CD163: variants seen among roughly 807,000 people sequenced by gnomAD.
CD163 encodes CD163 molecule.
A neutral mutation model predicts 129.2 loss-of-function variants in CD163; 64 were observed. That is an observed-to-expected ratio of 0.50 (90% CI 0.41 to 0.61). The LOEUF (loss-of-function observed/expected upper bound fraction) is 0.61. Among genes scored for constraint, CD163 ranks in the 20% least tolerant of loss-of-function variants. CD163 has a pLI of 0.00. For missense variants in CD163, 1,061 were observed against 1,377.9 expected (o/e 0.77, Z 3.64); for synonymous variants, 446 against 478.5 (o/e 0.93, Z 0.89).
intron 4 of CD163, among the ~76,000 whole-genome samples, chr12:7,497,425 T>C (rs748260994): frequency 1.3e-5 from 2 of 152,296 alleles, no homozygotes; most frequent in African/African-American, 4.8e-5. Context: ...ACAGAGTTCT[T>C]GTTAGAACTG....
rs1057407895 is a variant in CD163, at chr12:7,498,946, C to T, written c.700G>A (p.Ala234Thr). 1 of 1,613,998 alleles carries T rather than the reference C, an allele frequency of 6.2e-7. No individual in the cohort carries two copies. The highest frequency in any genetic ancestry group is 8.5e-7 in the Non-Finnish European group (1 of 1,180,012). Residue 234 changes from alanine (A) to threonine (T), a missense_variant, in exon 4 of 17, where the codon GCT becomes ACT. Coordinates refer to ENST00000432237, the MANE Select transcript of CD163 (RefSeq NM_203416.4). ...CCTTGATGTTTGCAGTTCCAGAGAGCTGACTCATTTCCGTTGCATATAAGA... is the reference window on the plus strand; with the variant it reads ...CCTTGATGTTTGCAGTTCCAGAGAGTTGACTCATTTCCGTTGCATATAAGA... ...DDLICNGNES[A>T]LWNCKHQGWG...
In CD163 at chr12:7,477,517, A is replaced by G. The variant is rs770525832; in HGVS notation, c.*31+2343T>C. Reference sequence around the variant, plus strand: ...AACCAAACACCGCATGTTCTCACTCATAAGTTGGAGTTGAACAATGAGAAC... The same window carrying G: ...AACCAAACACCGCATGTTCTCACTCGTAAGTTGGAGTTGAACAATGAGAAC... On this transcript the variant is annotated intron_variant, in intron 16 of 16. Coordinates refer to ENST00000432237, the MANE Select transcript of CD163 (RefSeq NM_203416.4). 2.6e-5 allele frequency among the ~76,000 whole-genome samples: 4 copies of G among 152,308 alleles called. No homozygotes were observed. In the South Asian group the frequency reaches 8.3e-4, roughly 32 times the overall value.
Position 7,502,504 on chromosome 12 carries a change from C to G in CD163, c.107G>C (p.Ser36Thr). Residue 36 changes from serine to threonine, a missense_variant, in exon 2 of 17, where the codon AGT becomes ACT. By Grantham distance (58) the Ser-to-Thr change is moderately conservative (BLOSUM62 1). Transcript: ENST00000432237. ...PFTITVVLLL[S>T]ACFVTSSLGG... ...AAGAGAACTGGTGACAAAACAGGCA[C>G]TGAGAAGTAAGACCACAGTAATGGT... The G allele has an allele frequency of 6.2e-7, 1 of 1,604,514 alleles. No homozygotes were observed. The highest frequency in any genetic ancestry group is 1.7e-4 in the Middle Eastern group (1 of 6,028).
chr12:7,483,825 G>GTGTATATATATATATA (rs1555076524), intron 11 of CD163, 150 bp from the exon 12 acceptor site: 1 of 68,392 alleles, frequency 1.5e-5, no homozygotes, highest in African/African-American at 4.4e-5. Flanking sequence ...ATATATATAT[G>GTGTATATATATATATA]TATATATATA....
rs1315620184 is a variant in CD163, at chr12:7,475,458, C to A, written c.*32-4061G>T. 2.0e-5 allele frequency among the ~76,000 whole-genome samples: 3 copies of A among 152,124 alleles called. No homozygotes were observed. In the East Asian group the frequency reaches 5.8e-4, roughly 29 times the overall value. On this transcript the variant is annotated intron_variant, in intron 16 of 16. Transcript: ENST00000432237. ...CATATGTAAATCAATAAACGTAATC[C>A]ATCATATAAACAGAACAAATCACAA... is the stretch of plus-strand genomic sequence containing the variant.
rs1236633962 is a variant in CD163, at chr12:7,486,821, G to C, written c.2144-8C>G. 10 of 1,607,360 alleles carry C rather than the reference G, an allele frequency of 6.2e-6. No homozygotes were observed. The highest frequency in any genetic ancestry group is 8.5e-6 in the Non-Finnish European group (10 of 1,175,538). ...GGCGAAGTTGACCACTCTCTGCAAA[G>C]AGAAATGAAACTATTAATAATGAGC... is the stretch of plus-strand genomic sequence containing the variant. On this transcript the variant is annotated splice_polypyrimidine_tract_variant and splice_region_variant and intron_variant, in intron 9 of 16. Coordinates refer to ENST00000432237, the MANE Select transcript of CD163 (RefSeq NM_203416.4).
chr12:7,477,129 C>T (rs1377101381), intron 16 of CD163, among the ~76,000 whole-genome samples: 1 of 152,198 alleles, frequency 6.6e-6, no homozygotes, highest in African/African-American at 2.4e-5. Flanking sequence ...AATGCTTTTA[C>T]AGTGTTGGTG....
At chr12:7,476,111 TTC>T (rs1949083272) in intron 16 of CD163, among the ~76,000 whole-genome samples, 1 of 152,122 alleles carries the variant, frequency 6.6e-6, no homozygotes, top group Non-Finnish European at 1.5e-5. Context: ...TGGAAAAACA[TTC>T]CATGCTCATA....
At chr12:7,480,728 T>C (rs1483757995) in intron 15 of CD163, 7 of 303,640 alleles carry the variant, frequency 2.3e-5, no homozygotes, top group Non-Finnish European at 3.4e-5. Context: ...TGTCAGATGA[T>C]GGGTGTGTTC....
In CD163 at chr12:7,479,901, T is replaced by C; in HGVS notation, c.3356A>G (p.Glu1119Gly). 6.2e-7 allele frequency: 1 copy of C among 1,612,976 alleles called. No homozygotes were observed. Among genetic ancestry groups the C allele is most frequent in the Non-Finnish European group, 8.5e-7 (1 of 1,179,446 alleles). ...DLMNSSGGHS[E>G]PH Reference sequence around the variant, plus strand: ...TTCCCATTTTCCTTTTCAGTGTGGCTCAGAATGGCCTCCTTTTCCATTCCA... The same window carrying C: ...TTCCCATTTTCCTTTTCAGTGTGGCCCAGAATGGCCTCCTTTTCCATTCCA... Residue 1119 changes from glutamate to glycine, a missense_variant, in exon 16 of 17, where the codon GAG becomes GGG. Transcript: ENST00000432237.
At chr12:7,481,503 G>C (rs961884216) in intron 14 of CD163, among the ~76,000 whole-genome samples, 2 of 152,120 alleles carry the variant, frequency 1.3e-5, no homozygotes, top group African/African-American at 4.8e-5. Flanking sequence ...AAGGAAGCCA[G>C]CAGTCTTCCA....
chr12:7,490,887 A>G (rs777240148), intron 6 of CD163, among the ~76,000 whole-genome samples: 2 of 152,126 alleles, frequency 1.3e-5, no homozygotes, highest in African/African-American at 4.8e-5. Flanking sequence ...CACCTCTACA[A>G]TACAAATAAT....
At position 7,499,177 on chromosome 12, in the gene CD163, A is replaced by G. The variant is rs1165860969; in HGVS notation, c.469T>C (p.Leu157=). 6.2e-7 allele frequency: 1 copy of G among 1,610,146 alleles called. No individual in the cohort carries two copies. The highest frequency in any genetic ancestry group is 1.3e-5 in the African/African-American group (1 of 74,900). The part of the protein sequence containing the change: ...AGVTCSDGSN[L]EMRLTRGGNM... ...CCTCCACGCGTCAGCCTCATTTCCA[A>G]ATTGGATCCATCTGGAGCAGAGAAA... The change falls in exon 4 of 17, where the codon TTG becomes CTG. Residue 157 remains leucine (L), a synonymous_variant. Transcript: ENST00000432237.
At chr12:7,483,273 G>A in intron 12 of CD163, 94 bp downstream of exon 12, 2 of 1,153,324 alleles carry the variant, frequency 1.7e-6, no homozygotes, top group East Asian at 2.4e-5. Flanking sequence ...AGATCCCTGT[G>A]CTGATAAATC....
At chr12:7,477,990 T>C (rs1157224880) in intron 16 of CD163, among the ~76,000 whole-genome samples, 4 of 152,172 alleles carry the variant, frequency 2.6e-5, no homozygotes, top group Admixed American at 1.3e-4. Context: ...GATGTAAGCA[T>C]TGTATTTAAT....
At chr12:7,490,289 C>T (rs1565404384) in intron 6 of CD163, among the ~76,000 whole-genome samples, 1 of 151,704 alleles carries the variant, frequency 6.6e-6, no homozygotes, top group Non-Finnish European at 1.5e-5. Flanking sequence ...TGCATGGTGT[C>T]ATTGAAGAAT....
chr12:7,492,523 A>G (rs1010083982), intron 6 of CD163, among the ~76,000 whole-genome samples: 3 of 152,066 alleles, frequency 2.0e-5, no homozygotes, highest in Middle Eastern at 3.2e-3. Flanking sequence ...TGAAAAGAAA[A>G]CCGTGTGCTC....
At chr12:7,492,696 G>A (rs1305007961) in intron 6 of CD163, among the ~76,000 whole-genome samples, 1 of 152,030 alleles carries the variant, frequency 6.6e-6, no homozygotes, top group East Asian at 1.9e-4. Context: ...GAAATGGGAG[G>A]AGAAATATCA....
In CD163 at chr12:7,487,748, A is replaced by G. The variant is rs1341045419; in HGVS notation, c.1735+25T>C. On this transcript the variant is annotated intron_variant, in intron 7 of 16. Coordinates refer to ENST00000432237, the MANE Select transcript of CD163 (RefSeq NM_203416.4). The surrounding 1 kb of genome is among the most constrained non-coding windows in gnomAD (Gnocchi z 5.1). ...TGTCCCTTTCACAGTATGAGAACCA[A>G]TTAAAGATGTTTTCTGGGTCTTACT... 7 of 1,613,998 alleles carry G rather than the reference A, an allele frequency of 4.3e-6. No individual in the cohort carries two copies. The highest frequency in any genetic ancestry group is 2.2e-5 in the East Asian group (1 of 44,882).
Sources: allele counts gnomAD v4.1 joint callset (sites outside exome capture counted in the v4.1 genomes callset), GRCh38; gene constraint gnomAD v4.1.1; non-coding constraint Gnocchi (gnomAD v3.1); transcripts MANE v1.5; gene names NCBI Gene and HGNC (gene_info 2026-07-23, HGNC 2026-07-21).